The following LMX1A variants were observed in gnomAD, a reference collection of about 807,000 sequenced individuals.
The protein encoded by LMX1A is LIM homeobox transcription factor 1-alpha.
In LMX1A, 15 loss-of-function variants were observed where a neutral mutation model predicts 49.1. The ratio of observed to expected loss-of-function variants is 0.31; its 90% confidence interval spans 0.20 to 0.47. LMX1A has a LOEUF of 0.47. LMX1A is among the 20% of genes least tolerant of loss of function. The probability of loss-of-function intolerance (pLI) is 1.00; values close to 1 mark genes in which losing one functional copy is unlikely to be tolerated. For missense variants in LMX1A, 372 were observed against 475.8 expected, an observed-to-expected ratio of 0.78 and a Z score of 2.03; for synonymous variants, 167 against 185.7, an observed-to-expected ratio of 0.90 and a Z score of 0.82.
At chr1:165,265,739 C>T (rs944059903) in intron 3 of LMX1A, among the ~76,000 whole-genome samples, 10 of 152,128 alleles carry the variant, frequency 6.6e-5, no homozygotes, top group Non-Finnish European at 1.2e-4. Flanking sequence ...AGGTCAGTAC[C>T]TTAACTCCAT....
intron 3 of LMX1A, among the ~76,000 whole-genome samples, chr1:165,271,113 C>T (rs1408501766): frequency 2.6e-5 from 4 of 152,194 alleles, no homozygotes; most frequent in Non-Finnish European, 5.9e-5. Context: ...TTCCCCTTTA[C>T]CAAGGCTAGC....
intron 4 of LMX1A, among the ~76,000 whole-genome samples, chr1:165,248,767 G>A (rs947286212): frequency 1.3e-5 from 2 of 152,174 alleles, no homozygotes; most frequent in African/African-American, 4.8e-5. Context: ...CTGAATTATT[G>A]GTTCCAATCC....
intron 3 of LMX1A, among the ~76,000 whole-genome samples, chr1:165,295,873 G>A (rs1356892489): frequency 5.3e-5 from 8 of 152,150 alleles, no homozygotes; most frequent in African/African-American, 1.7e-4. Context: ...GAAGCAAATC[G>A]AACATATGGG....
At chr1:165,240,231 A>G (rs1652600234) in intron 4 of LMX1A, among the ~76,000 whole-genome samples, 1 of 152,230 alleles carries the variant, frequency 6.6e-6, no homozygotes, top group African/African-American at 2.4e-5. Context: ...TTTTGAAAAC[A>G]TGACTCTAGA....
At chr1:165,310,839 G>A (rs185903603) in intron 3 of LMX1A, among the ~76,000 whole-genome samples, 46 of 152,334 alleles carry the variant, frequency 3.0e-4, no homozygotes, top group African/African-American at 1.0e-3. Flanking sequence ...GAGGGAATGC[G>A]ATGCGGACAA....
chr1:165,342,059 T>C (rs1305628716), intron 3 of LMX1A, among the ~76,000 whole-genome samples: 1 of 152,226 alleles, frequency 6.6e-6, no homozygotes, highest in Non-Finnish European at 1.5e-5. Flanking sequence ...CAAAATGGAC[T>C]AGAACTAGTT....
intron 3 of LMX1A, among the ~76,000 whole-genome samples, chr1:165,269,208 G>T (rs1014057287): frequency 6.6e-6 from 1 of 152,262 alleles, no homozygotes; most frequent in Non-Finnish European, 1.5e-5. Context: ...ATCTCTCCCA[G>T]TGCAGAGAGC....
intron 3 of LMX1A, among the ~76,000 whole-genome samples, chr1:165,335,934 A>G (rs1390783716): frequency 1.3e-5 from 2 of 152,106 alleles, no homozygotes; most frequent in African/African-American, 4.8e-5. Context: ...AGGTAATGAA[A>G]GAAACAAACC....
chr1:165,252,246 CCT>C (rs1653087499), intron 3 of LMX1A, among the ~76,000 whole-genome samples: 1 of 152,086 alleles, frequency 6.6e-6, no homozygotes, highest in Admixed American at 6.6e-5. Context: ...ATTTGTTCAC[CCT>C]CTTTCTGAAA....
intron 3 of LMX1A, among the ~76,000 whole-genome samples, chr1:165,336,744 A>AT (rs1314244678): frequency 6.6e-6 from 1 of 152,276 alleles, no homozygotes; most frequent in South Asian, 2.1e-4. Flanking sequence ...CTCACATTCA[A>AT]TTACTCCAGC....
At chr1:165,248,076 C>T (rs1490530062) in intron 4 of LMX1A, among the ~76,000 whole-genome samples, 1 of 152,194 alleles carries the variant, frequency 6.6e-6, no homozygotes, top group Non-Finnish European at 1.5e-5. Flanking sequence ...AACAATCAAA[C>T]ATGTAACTAC....
intron 4 of LMX1A, among the ~76,000 whole-genome samples, chr1:165,232,742 G>T (rs1287980709): frequency 6.6e-6 from 1 of 152,206 alleles, no homozygotes; most frequent in Non-Finnish European, 1.5e-5. Context: ...GGCAGAGATT[G>T]TGTCTGGAGT....
intron 3 of LMX1A, among the ~76,000 whole-genome samples, chr1:165,340,405 G>C (rs902118063): frequency 6.6e-6 from 1 of 152,046 alleles, no homozygotes; most frequent in Non-Finnish European, 1.5e-5. Flanking sequence ...CCAAAACTAC[G>C]CTTGGTAAGG....
intron 3 of LMX1A, among the ~76,000 whole-genome samples, chr1:165,319,081 AT>A: frequency 6.6e-6 from 1 of 152,136 alleles, no homozygotes; most frequent in Non-Finnish European, 1.5e-5. Context: ...CCTTAACATG[AT>A]AAAGAATGGC....
At chr1:165,295,267 GA>G (rs199896268) in intron 3 of LMX1A, among the ~76,000 whole-genome samples, 3,028 of 149,700 alleles carry the variant, frequency 0.02, 51 homozygotes, top group Middle Eastern at 0.028. Context: ...CAGAAAAAAA[GA>G]AAAAAAAATC....
chr1:165,213,266 G>T (rs972595092), intron 5 of LMX1A: 21 of 173,506 alleles, frequency 1.2e-4, no homozygotes, highest in Non-Finnish European at 2.0e-4. Context: ...ACACCAAGTG[G>T]AAAAAGCCAG....
At chr1:165,254,723 G>C (rs1653174455) in intron 3 of LMX1A, among the ~76,000 whole-genome samples, 1 of 152,150 alleles carries the variant, frequency 6.6e-6, no homozygotes, top group South Asian at 2.1e-4. Context: ...GCTCTGGATG[G>C]CATCCCCCAT....
intron 3 of LMX1A, among the ~76,000 whole-genome samples, chr1:165,332,285 G>C (rs1655771193): frequency 1.3e-5 from 2 of 152,084 alleles, no homozygotes; most frequent in African/African-American, 4.8e-5. Flanking sequence ...GGCTCTGACT[G>C]TATCAATAAT....
chr1:165,223,869 C>A (rs1651943650), intron 4 of LMX1A, among the ~76,000 whole-genome samples: 1 of 151,378 alleles, frequency 6.6e-6, no homozygotes, highest in African/African-American at 2.4e-5. Flanking sequence ...TGACCTACTT[C>A]TGGAGGCAGT....
Sources: allele counts gnomAD v4.1 joint callset (sites outside exome capture counted in the v4.1 genomes callset), GRCh38; gene constraint gnomAD v4.1.1; transcripts MANE v1.5; gene names NCBI Gene and HGNC (gene_info 2026-07-23, HGNC 2026-07-21).